Variants in TMEM132D observed in about 807,000 individuals in gnomAD.
The protein encoded by TMEM132D is mature OL transmembrane protein.
TMEM132D carries 21 observed loss-of-function variants against 62.3 expected under a neutral mutation model. The ratio of observed to expected loss-of-function variants is 0.34; its 90% CI spans 0.24 to 0.49. The LOEUF is 0.49. TMEM132D is among the 20% of genes least tolerant of loss of function. The probability of loss-of-function intolerance (pLI) is 0.99; values close to 1 mark genes in which losing one functional copy is unlikely to be tolerated. For synonymous variants in TMEM132D, 621 were observed against 575.6 expected (o/e 1.08, Z -1.13); for missense variants, 1,346 against 1,402.8 (o/e 0.96, Z 0.65).
intron 1 of TMEM132D, among the ~76,000 whole-genome samples, chr12:129,893,983 G>C (rs1487253675): frequency 1.3e-5 from 2 of 152,200 alleles, no homozygotes; most frequent in African/African-American, 4.8e-5. Flanking sequence ...TGGGAAAGAA[G>C]CCTTCTCTGA....
At chr12:129,401,006 C>T (rs1871605284) in intron 3 of TMEM132D, among the ~76,000 whole-genome samples, 1 of 152,106 alleles carries the variant, frequency 6.6e-6, no homozygotes, top group Non-Finnish European at 1.5e-5. Flanking sequence ...GGCTGTGAGA[C>T]TCTCCTCTTC....
rs1407877834 is a variant in TMEM132D at position 129,337,645 on chromosome 12, G to A, written c.1288C>T (p.Pro430Ser). 6.2e-7 allele frequency: 1 copy of A among 1,613,776 alleles called. No homozygotes were observed. The highest frequency in any genetic ancestry group is 8.5e-7 in the Non-Finnish European group (1 of 1,179,934). ...CGGGGCTTGCTTACCATAGCCAGCGGCACAACTCCAATCAAGTCCTTTGGG... is the reference window on the plus strand; with the variant it reads ...CGGGGCTTGCTTACCATAGCCAGCGACACAACTCCAATCAAGTCCTTTGGG... ...VSPKDLIGVV[P>S]LAMEAEILNT... Residue 430 changes from proline (P) to serine (S), a missense_variant, in exon 4 of 9, where the codon CCG (proline) becomes TCG (serine). Coordinates refer to ENST00000422113, the MANE Select transcript of TMEM132D (RefSeq NM_133448.3).
intron 1 of TMEM132D, among the ~76,000 whole-genome samples, chr12:129,747,657 A>G (rs1015409645): frequency 1.3e-5 from 2 of 150,892 alleles, no homozygotes; most frequent in Non-Finnish European, 3.0e-5. Context: ...CACCAGACAC[A>G]GACACACACA....
chr12:129,155,080 A>G (rs1431588261), intron 5 of TMEM132D, among the ~76,000 whole-genome samples: 1 of 152,260 alleles, frequency 6.6e-6, no homozygotes, highest in Non-Finnish European at 1.5e-5. Flanking sequence ...CTTGGTATAA[A>G]GCACACACAT....
At chr12:129,169,572 C>T (rs1190002758) in intron 5 of TMEM132D, among the ~76,000 whole-genome samples, 1 of 152,234 alleles carries the variant, frequency 6.6e-6, no homozygotes. Context: ...TATCTTCTAT[C>T]TGATTGCATC....
At chr12:129,669,032 T>C (rs1230214487) in intron 2 of TMEM132D, among the ~76,000 whole-genome samples, 1 of 152,192 alleles carries the variant, frequency 6.6e-6, no homozygotes, top group Non-Finnish European at 1.5e-5. Context: ...GCCCAACTCA[T>C]AGGTATTTGA....
chr12:129,860,982 G>C (rs900604911), intron 1 of TMEM132D, among the ~76,000 whole-genome samples: 2 of 152,174 alleles, frequency 1.3e-5, no homozygotes, highest in African/African-American at 4.8e-5. Context: ...AATTCAAGAT[G>C]AGATTTGGGT....
intron 5 of TMEM132D, among the ~76,000 whole-genome samples, chr12:129,119,527 C>T (rs1383952018): frequency 6.6e-6 from 1 of 152,168 alleles, no homozygotes; most frequent in East Asian, 1.9e-4. Context: ...TGTTTCTTGA[C>T]CAGGCTTTAT....
chr12:129,815,707 A>G (rs771842726), intron 1 of TMEM132D, among the ~76,000 whole-genome samples: 43 of 152,188 alleles, frequency 2.8e-4, no homozygotes, highest in Non-Finnish European at 4.1e-4. Flanking sequence ...CCCGGTTACA[A>G]AAATTAGTTT....
intron 1 of TMEM132D, among the ~76,000 whole-genome samples, chr12:129,892,449 C>A (rs1164316894): frequency 1.3e-5 from 2 of 152,156 alleles, no homozygotes; most frequent in African/African-American, 4.8e-5. Context: ...TTCTACTTTT[C>A]TGGCTTGATC....
intron 1 of TMEM132D, among the ~76,000 whole-genome samples, chr12:129,894,006 T>A (rs1875022057): frequency 6.6e-6 from 1 of 152,180 alleles, no homozygotes; most frequent in South Asian, 2.1e-4. Context: ...CCCACCAGCA[T>A]CAGATGAGGC....
intron 1 of TMEM132D, among the ~76,000 whole-genome samples, chr12:129,832,187 G>A (rs543706998): frequency 6.0e-5 from 9 of 151,056 alleles, no homozygotes; most frequent in Admixed American, 1.3e-4. Flanking sequence ...GCACCTGGCC[G>A]TTTTGTAGCA....
intron 2 of TMEM132D, among the ~76,000 whole-genome samples, chr12:129,619,727 A>C (rs538322458): frequency 3.9e-4 from 60 of 152,342 alleles, no homozygotes; most frequent in Non-Finnish European, 7.6e-4. Context: ...GGATCATCTG[A>C]CATTTGGTTT....
chr12:129,155,999 C>G (rs1320804088), intron 5 of TMEM132D, among the ~76,000 whole-genome samples: 1 of 151,922 alleles, frequency 6.6e-6, no homozygotes, highest in Non-Finnish European at 1.5e-5. Flanking sequence ...GTAGCCCACT[C>G]CTGTGATAAC....
At chr12:129,142,768 C>A (rs1027893624) in intron 5 of TMEM132D, among the ~76,000 whole-genome samples, 2 of 152,024 alleles carry the variant, frequency 1.3e-5, no homozygotes, top group African/African-American at 2.4e-5. Flanking sequence ...TCTGTCCAAG[C>A]CTTTGTTGTT....
chr12:129,615,256 C>T (rs1017507221), intron 2 of TMEM132D, among the ~76,000 whole-genome samples: 3 of 152,050 alleles, frequency 2.0e-5, no homozygotes, highest in Non-Finnish European at 2.9e-5. Flanking sequence ...AATTATTTCA[C>T]CTCTAGGCAG....
intron 6 of TMEM132D, among the ~76,000 whole-genome samples, chr12:129,082,945 A>G (rs915277825): frequency 6.6e-6 from 1 of 151,882 alleles, no homozygotes; most frequent in African/African-American, 2.4e-5. Flanking sequence ...GCCCAGGCTC[A>G]AACTCCTGAG....
At chr12:129,286,264 C>A (rs80295383) in intron 4 of TMEM132D, among the ~76,000 whole-genome samples, 2 of 152,120 alleles carry the variant, frequency 1.3e-5, no homozygotes, top group African/African-American at 4.8e-5. Flanking sequence ...CCAAAATATA[C>A]GTGGGCATTG....
chr12:129,146,509 C>A (rs1876903243), intron 5 of TMEM132D, among the ~76,000 whole-genome samples: 1 of 152,112 alleles, frequency 6.6e-6, no homozygotes. Flanking sequence ...TAATGTCACC[C>A]AAATATAATC....
Sources: gnomAD v4.1 joint callset for allele counts (sites outside exome capture counted in the v4.1 genomes callset) on GRCh38, gnomAD v4.1.1 for gene constraint, MANE v1.5 for transcripts, NCBI Gene and HGNC (gene_info 2026-07-23, HGNC 2026-07-21) for gene names.